Variants in TRPM3 observed in about 807,000 individuals in gnomAD.
TRPM3 encodes transient receptor potential cation channel subfamily M member 3.
TRPM3 carries 77 observed loss-of-function variants against 181.2 expected under a neutral mutation model. The observed-to-expected ratio is 0.42, with a 90% CI of 0.35 to 0.51. The LOEUF (loss-of-function observed/expected upper bound fraction) is 0.51. Among genes scored for constraint, TRPM3 ranks in the 20% least tolerant of loss-of-function variants. The probability of loss-of-function intolerance (pLI) is 0.01; values close to 1 mark genes in which losing one functional copy is unlikely to be tolerated. For synonymous variants in TRPM3, 745 were observed against 796.4 expected (o/e 0.94, Z 1.09); for missense variants, 1,759 against 2,196.7 (o/e 0.80, Z 3.98).
At chr9:71,215,033 C>CAAAAAAAAA (rs67349189) in intron 1 of TRPM3, among the ~76,000 whole-genome samples, 12 of 105,832 alleles carry the variant, frequency 1.1e-4, no homozygotes, top group South Asian at 2.9e-4. Context: ...CACCAAAAAA[C>CAAAAAAAAA]AAAAAAAAAA....
chr9:70,664,329 TA>T (rs2061517481), intron 9 of TRPM3, among the ~76,000 whole-genome samples: 1 of 152,178 alleles, frequency 6.6e-6, no homozygotes, highest in Non-Finnish European at 1.5e-5. Flanking sequence ...TGCTGATCAG[TA>T]TTAGAAATTG....
At chr9:70,934,381 G>A (rs931699015) in intron 1 of TRPM3, among the ~76,000 whole-genome samples, 1 of 152,052 alleles carries the variant, frequency 6.6e-6, no homozygotes, top group Non-Finnish European at 1.5e-5. Context: ...ACTGTTATGT[G>A]GTAAAACCTG....
chr9:70,909,995 C>A (rs1001685713), intron 1 of TRPM3, among the ~76,000 whole-genome samples: 2 of 152,140 alleles, frequency 1.3e-5, no homozygotes, highest in African/African-American at 4.8e-5. Context: ...GATAAGACTA[C>A]TTGGAATTTG....
At chr9:70,983,515 AAAG>A (rs2097386596) in intron 1 of TRPM3, among the ~76,000 whole-genome samples, 1 of 152,212 alleles carries the variant, frequency 6.6e-6, no homozygotes, top group Non-Finnish European at 1.5e-5. Context: ...CAGAGCATGC[AAAG>A]AAGAATAGGA....
At chr9:71,201,723 A>C (rs1048903022) in intron 1 of TRPM3, among the ~76,000 whole-genome samples, 19 of 152,096 alleles carry the variant, frequency 1.2e-4, no homozygotes, top group African/African-American at 4.3e-4. Context: ...TTTCAGCTCC[A>C]TCAGCTCCTT....
At chr9:70,604,961 C>CTTTTTT (rs1554774923) in intron 19 of TRPM3, among the ~76,000 whole-genome samples, 3 of 4,906 alleles carry the variant, frequency 6.1e-4, no homozygotes, top group African/African-American at 1.4e-3. Flanking sequence ...TGAATGGATT[C>CTTTTTT]TTCTTTTTTT....
rs371500850 is a variant in TRPM3, at chr9:70,531,319, CTTTTTT to C, written c.*4628_*4633del. On this transcript the variant is annotated 3_prime_UTR_variant, in exon 26 of 26. Transcript: ENST00000677713. ...AAAAGATTTAAAAATCCCTTGGTTA[CTTTTTT>C]TTTGTTTTTAATTTTTCAAAACTGA... is the stretch of plus-strand genomic sequence containing the variant. 1.3e-5 allele frequency: 2 copies of C among 151,636 alleles called. No individual in the cohort carries two copies. Among genetic ancestry groups the C allele is most frequent in the East Asian group, 3.9e-4 (2 of 5,172 alleles). The allele number at this position is 151,636 out of a possible 1,614,324, so 9.4% of individuals were successfully genotyped here.
At chr9:70,758,618 G>A (rs1340918574) in intron 8 of TRPM3, among the ~76,000 whole-genome samples, 1 of 152,120 alleles carries the variant, frequency 6.6e-6, no homozygotes, top group Admixed American at 6.5e-5. Context: ...GCATGGTAGT[G>A]GTGCCAAAAC....
At chr9:71,013,165 G>A (rs575249321) in intron 1 of TRPM3, among the ~76,000 whole-genome samples, 18 of 152,048 alleles carry the variant, frequency 1.2e-4, no homozygotes, top group African/African-American at 2.4e-4. Flanking sequence ...AATCAGGAAC[G>A]GGTGGTAAAT....
At position 70,917,548 on chromosome 9, in the gene TRPM3, C is replaced by A. The variant is rs540503637; in HGVS notation, c.178-53037G>T. The A allele has an allele frequency of 1.2e-5, 8 of 675,342 alleles. No individual in the cohort carries two copies. In the East Asian group the frequency reaches 2.2e-4, roughly 18 times the overall value. 41.8% of individuals were successfully genotyped at this position (675,342 alleles called of 1,614,324 possible). A position where few individuals can be genotyped will look rare whatever the true frequency, so the allele number is the denominator to read the frequency against. On this transcript the variant is annotated intron_variant, in intron 1 of 25. Coordinates refer to ENST00000677713, the MANE Select transcript of TRPM3 (RefSeq NM_001366145.2). ...GCACGCAGCTTTGTTTTCTTCTTTACGCAAACAGTGTTAAGTTGTTATATC... is the reference window on the plus strand; with the variant it reads ...GCACGCAGCTTTGTTTTCTTCTTTAAGCAAACAGTGTTAAGTTGTTATATC...
intron 8 of TRPM3, among the ~76,000 whole-genome samples, chr9:70,741,244 A>G (rs976321331): frequency 2.6e-5 from 4 of 152,240 alleles, no homozygotes; most frequent in African/African-American, 4.8e-5. Flanking sequence ...GGAAATGCAA[A>G]TCAAAACCAC....
Position 71,379,392 on chromosome 9 carries a change from T to C in TRPM3, c.183+67261A>G, listed in dbSNP as rs76145323. ...ATTGCTTCACAATCCTTTAGCATAG[T>C]CAATTGACTAACTGGCATTTATTTA... is the stretch of plus-strand genomic sequence containing the variant. On this transcript the variant is annotated intron_variant, in intron 1 of 24. Coordinates refer to the TRPM3 transcript ENST00000357533. 5.3e-4 allele frequency among the ~76,000 whole-genome samples: 80 copies of C among 152,198 alleles called. 1 individual carries two copies. The East Asian group carries it at 0.015, about 28-fold the overall frequency.
At chr9:70,739,895 G>A (rs1338019972) in intron 8 of TRPM3, among the ~76,000 whole-genome samples, 1 of 152,092 alleles carries the variant, frequency 6.6e-6, no homozygotes, top group Non-Finnish European at 1.5e-5. Flanking sequence ...TGGGATTACA[G>A]GCATGAGCAC....
intron 1 of TRPM3, among the ~76,000 whole-genome samples, chr9:70,876,765 G>A (rs976078163): frequency 2.0e-5 from 3 of 151,812 alleles, no homozygotes; most frequent in South Asian, 2.1e-4. Context: ...TATTGTGCTG[G>A]CTTTCTAATT....
chr9:70,841,054 A>T (rs563270701), intron 5 of TRPM3, among the ~76,000 whole-genome samples: 2 of 152,186 alleles, frequency 1.3e-5, no homozygotes, highest in African/African-American at 4.8e-5. Context: ...GCATTATTAA[A>T]TGATTTTGGT....
intron 19 of TRPM3, among the ~76,000 whole-genome samples, chr9:70,605,013 G>A (rs1216032203): frequency 1.4e-5 from 2 of 144,072 alleles, no homozygotes; most frequent in African/African-American, 5.2e-5. Context: ...CTGGAGTGCA[G>A]TGGTGCGATC....
chr9:71,037,040 C>A (rs548220497), intron 1 of TRPM3, among the ~76,000 whole-genome samples: 9 of 152,020 alleles, frequency 5.9e-5, no homozygotes, highest in Non-Finnish European at 1.2e-4. Flanking sequence ...AGCTTATGAC[C>A]AAGAACAGTG....
chr9:70,583,933 T>C (rs1564432983), intron 22 of TRPM3, among the ~76,000 whole-genome samples: 1 of 152,214 alleles, frequency 6.6e-6, no homozygotes, highest in Non-Finnish European at 1.5e-5. Context: ...ATTGTCTTCA[T>C]ATGATGCTAG....
At chr9:70,911,919 G>A (rs1353483446) in intron 1 of TRPM3, among the ~76,000 whole-genome samples, 1 of 152,076 alleles carries the variant, frequency 6.6e-6, no homozygotes, top group East Asian at 1.9e-4. Context: ...GTCATTGTCC[G>A]TTCTCTCCTT....
Sources: gnomAD v4.1 joint callset for allele counts (sites outside exome capture counted in the v4.1 genomes callset) on GRCh38, gnomAD v4.1.1 for gene constraint, MANE v1.5 for transcripts, NCBI Gene and HGNC (gene_info 2026-07-23, HGNC 2026-07-21) for gene names.